The following MED8 variants were observed in gnomAD, a reference collection of about 807,000 sequenced individuals.
MED8 encodes the protein mediator of RNA polymerase II transcription subunit 8.
In MED8, 22 loss-of-function variants were observed where a neutral mutation model predicts 34.8. That is an observed-to-expected ratio of 0.63 (90% CI 0.45 to 0.90). The LOEUF (loss-of-function observed/expected upper bound fraction) is 0.90, where lower values mean the gene tolerates loss of function less well. MED8 is among the 40% of genes least tolerant of loss of function. The pLI, the probability that MED8 is intolerant of heterozygous loss-of-function variation, is 0.00. For missense variants in MED8, 260 were observed against 326.3 expected, an observed-to-expected ratio of 0.80 and a Z score of 1.57; for synonymous variants, 105 against 120.2, an observed-to-expected ratio of 0.87 and a Z score of 0.83.
Position 43,388,372 on chromosome 1 carries a change from A to C in MED8, c.63T>G (p.Asp21Glu), listed in dbSNP as rs1647840166. The C allele has an allele frequency of 1.2e-6, 2 of 1,613,612 alleles. No individual in the cohort carries two copies. ...TGAAACTCCCCAGAGAGTTCTTCAG[A>C]TCAGCCACTTGACTCAGCAGTGCAT... ...SLDALLSQVA[D>E]LKNSLGSFIC... is the part of the protein sequence containing the mutation. The change falls in exon 2 of 7, where the codon GAT becomes GAG. Residue 21 changes from aspartate to glutamate, a missense_variant. Physicochemically the swap from Asp to Glu is conservative, Grantham distance 45. Transcript: ENST00000372457.
Position 43,384,910 on chromosome 1 carries a change from G to GAA in MED8, c.*130_*131dup. ...AAGGTCACACAGCTAGTCAGTGGTGGAAGTGGGATTTGTCTGCTGCTGAAA... is the reference window on the plus strand; with the variant it reads ...AAGGTCACACAGCTAGTCAGTGGTGGAAAAGTGGGATTTGTCTGCTGCTGAAA... On this transcript the variant is annotated 3_prime_UTR_variant, in exon 7 of 7. Coordinates refer to ENST00000372457, the MANE Select transcript of MED8 (RefSeq NM_201542.5). 2 of 1,439,602 alleles carry GAA rather than the reference G, an allele frequency of 1.4e-6. No individual in the cohort carries two copies. The highest frequency in any genetic ancestry group is 1.8e-6 in the Non-Finnish European group (2 of 1,095,636). 89.2% of individuals were successfully genotyped at this position (1,439,602 alleles called of 1,614,324 possible).
chr1:43,388,456 C>A, intron 1 of MED8, 28 bp from the exon 2 acceptor site: 16 of 1,611,532 alleles, frequency 9.9e-6, no homozygotes, highest in Non-Finnish European at 1.4e-5. Context: ...GGTTGGTCAC[C>A]CAGATAAACG....
At position 43,384,776 on chromosome 1, in the gene MED8, G is replaced by A. The variant is rs1647670351; in HGVS notation, c.*266C>T. ...CCCATTATTTCATATACTGTACTAA[G>A]TGCTTTACATTCATTTCCTCATTTT... is the stretch of plus-strand genomic sequence containing the variant. On this transcript the variant is annotated 3_prime_UTR_variant, in exon 7 of 7. Coordinates refer to ENST00000372457, the MANE Select transcript of MED8 (RefSeq NM_201542.5). 7.1e-7 allele frequency: 1 copy of A among 1,415,910 alleles called. No individual in the cohort carries two copies. The highest frequency in any genetic ancestry group is 3.1e-5 in the Admixed American group (1 of 32,310). 87.7% of individuals were successfully genotyped at this position (1,415,910 alleles called of 1,614,324 possible).
At position 43,384,564 on chromosome 1, in the gene MED8, G is replaced by C. The variant is rs1647660004; in HGVS notation, c.*478C>G. The C allele has an allele frequency of 1.2e-6, 2 of 1,600,458 alleles. No individual in the cohort carries two copies. Among genetic ancestry groups the C allele is most frequent in the Non-Finnish European group, 8.5e-7 (1 of 1,173,858 alleles). On this transcript the variant is annotated 3_prime_UTR_variant, in exon 7 of 7. Transcript: ENST00000372457. The stretch of plus-strand genomic sequence containing the variant: ...CCAGGCAGGAGGGCCTGCAAAAACA[G>C]TGTGCCTCTAAGAACACAGAGGTTG...
chr1:43,384,817 C>G lies in MED8; in HGVS notation c.*225G>C. On this transcript the variant is annotated 3_prime_UTR_variant, in exon 7 of 7. Coordinates refer to ENST00000372457, the MANE Select transcript of MED8 (RefSeq NM_201542.5). Reference sequence around the variant, plus strand: ...TCCTCATTTTAATCCTCACAACAACCCTATGAGGTAGGTATTATCACCATT... The same window carrying G: ...TCCTCATTTTAATCCTCACAACAACGCTATGAGGTAGGTATTATCACCATT... 7.3e-7 allele frequency: 1 copy of G among 1,379,138 alleles called. No homozygotes were observed. Among genetic ancestry groups the G allele is most frequent in the Non-Finnish European group, 9.5e-7 (1 of 1,053,006 alleles). 85.4% of individuals were successfully genotyped at this position (1,379,138 alleles called of 1,614,324 possible).
At position 43,386,370 on chromosome 1, in the gene MED8, G is replaced by A; in HGVS notation, c.494-144C>T. 1 of 1,159,746 alleles carries A rather than the reference G, an allele frequency of 8.6e-7. No individual in the cohort carries two copies. The highest frequency in any genetic ancestry group is 1.2e-6 in the Non-Finnish European group (1 of 840,994). The allele number at this position is 1,159,746 out of a possible 1,614,324, so 71.8% of individuals were successfully genotyped here. On this transcript the variant is annotated intron_variant, in intron 5 of 6. Transcript: ENST00000372457. This position sits in a 1 kb window ranked among gnomAD's most constrained non-coding sequence, Gnocchi z 4.9. ...CCCTCACAGCCCAGAAAAAGAGCCA[G>A]AGGACCCCCAAGCCTATCTCAGAAT...
Position 43,384,908 on chromosome 1 carries a change from T to C in MED8, c.*134A>G, listed in dbSNP as rs1647674455. 6.9e-7 allele frequency: 1 copy of C among 1,439,962 alleles called. No homozygotes were observed. Among genetic ancestry groups the C allele is most frequent in the African/African-American group, 1.4e-5 (1 of 69,538 alleles). 89.2% of individuals were successfully genotyped at this position (1,439,962 alleles called of 1,614,324 possible). A position where few individuals can be genotyped will look rare whatever the true frequency, so the allele number is the denominator to read the frequency against. On this transcript the variant is annotated 3_prime_UTR_variant, in exon 7 of 7. Transcript: ENST00000372457. ...CCAAGGTCACACAGCTAGTCAGTGG[T>C]GGAAGTGGGATTTGTCTGCTGCTGA...
intron 1 of MED8, chr1:43,388,638 G>GA: frequency 1.5e-6 from 1 of 674,982 alleles, no homozygotes; most frequent in Non-Finnish European, 2.4e-6. Flanking sequence ...CTGACCCCAA[G>GA]TCCTTCCACC....
intron 1 of MED8, 135 bp from the exon 2 acceptor site, chr1:43,388,563 T>G: frequency 1.4e-6 from 2 of 1,411,752 alleles, no homozygotes; most frequent in Non-Finnish European, 1.9e-6. Context: ...ATAGCCAGGT[T>G]GTTTTCTATC....
At position 43,388,296 on chromosome 1, in the gene MED8, C is replaced by T. The variant is rs1403513048; in HGVS notation, c.125+14G>A. 6.2e-7 allele frequency: 1 copy of T among 1,612,446 alleles called. No individual in the cohort carries two copies. ...ACCCATAAGCCCTTCCTAGCTTGCC[C>T]TGGTAACTCTTACCAGGTCAGCCGG... is the stretch of plus-strand genomic sequence containing the variant. On this transcript the variant is annotated intron_variant, in intron 2 of 6. Coordinates refer to ENST00000372457, the MANE Select transcript of MED8 (RefSeq NM_201542.5).
intron 2 of MED8, 134 bp downstream of exon 2, chr1:43,388,176 G>C (rs192017083): frequency 1.1e-6 from 1 of 874,812 alleles, no homozygotes; most frequent in East Asian, 2.7e-5. Context: ...TAAATGTTAG[G>C]AAACCCAGCT....
At position 43,384,888 on chromosome 1, in the gene MED8, G is replaced by A; in HGVS notation, c.*154C>T. ...AGAAAAATTAGGTCACTTGTCCAAG[G>A]TCACACAGCTAGTCAGTGGTGGAAG... On this transcript the variant is annotated 3_prime_UTR_variant, in exon 7 of 7. Transcript: ENST00000372457. 7.0e-7 allele frequency: 1 copy of A among 1,420,028 alleles called. No individual in the cohort carries two copies. The highest frequency in any genetic ancestry group is 9.2e-7 in the Non-Finnish European group (1 of 1,082,656). The allele number at this position is 1,420,028 out of a possible 1,614,324, so 88.0% of individuals were successfully genotyped here.
chr1:43,385,792 C>T lies in MED8; in HGVS notation c.742+186G>A, dbSNP rs143061909. On this transcript the variant is annotated intron_variant, in intron 6 of 6. Coordinates refer to ENST00000372457, the MANE Select transcript of MED8 (RefSeq NM_201542.5). ...CTGTTACTCAAAGTTCTTCCTCACT[C>T]TCTGGTGCCTGTTGCAGAGTCTCAG... is the stretch of plus-strand genomic sequence containing the variant. 548 of 851,072 alleles carry T rather than the reference C, an allele frequency of 6.4e-4. 5 individuals are homozygous for T. The East Asian group carries it at 0.013, about 20-fold the overall frequency. 52.7% of individuals were successfully genotyped at this position (851,072 alleles called of 1,614,324 possible).
chr1:43,389,570 C>G lies in MED8; in HGVS notation c.6+189G>C, dbSNP rs566434523. ...GCCCGACTGTCTCCTGTCAGGCAAG[C>G]TCCACCCCCACCTCTAATCGCCGCC... On this transcript the variant is annotated intron_variant, in intron 1 of 6. Transcript: ENST00000372457. 2.6e-5 allele frequency among the ~76,000 whole-genome samples: 4 copies of G among 152,254 alleles called. No individual in the cohort carries two copies. In the South Asian group the frequency reaches 6.2e-4, roughly 24 times the overall value.
intron 1 of MED8, 67 bp downstream of exon 1, chr1:43,389,692 G>A: frequency 6.3e-7 from 1 of 1,592,766 alleles, no homozygotes; most frequent in Non-Finnish European, 8.5e-7. Flanking sequence ...ATTCTCCTTA[G>A]CCAGCCCACT....
At chr1:43,387,061 A>C in intron 3 of MED8, 63 bp from the exon 4 acceptor site, 2 of 1,588,606 alleles carry the variant, frequency 1.3e-6, no homozygotes, top group South Asian at 2.3e-5. Flanking sequence ...CTGGCCTGAC[A>C]TAAAGTCCCA....
At position 43,385,000 on chromosome 1, in the gene MED8, A is replaced by G. The variant is rs904208385; in HGVS notation, c.*42T>C. On this transcript the variant is annotated 3_prime_UTR_variant, in exon 7 of 7. Coordinates refer to ENST00000372457, the MANE Select transcript of MED8 (RefSeq NM_201542.5). ...GAGCAAAAGGTAATTTCACTGCCCA[A>G]CTCTGCAAAGAGCACCAGGGAGTCG... 2 of 1,547,876 alleles carry G rather than the reference A, an allele frequency of 1.3e-6. No homozygotes were observed. Among genetic ancestry groups the G allele is most frequent in the Non-Finnish European group, 1.7e-6 (2 of 1,145,972 alleles).
rs1487552674 is a variant in MED8 at position 43,387,629 on chromosome 1, G to A, written c.144C>T (p.Ser48=). 1.9e-6 allele frequency: 3 copies of A among 1,614,032 alleles called. No homozygotes were observed. Among genetic ancestry groups the A allele is most frequent in the Non-Finnish European group, 8.5e-7 (1 of 1,179,896 alleles). ...TCAGCTGTCCAGAAAGCAAGGCAAA[G>A]CTGTCCAGGACAGATGGCCTGGTGG... ...GRLTWPSVLD[S]FALLSGQLNT... Residue 48 remains serine, a synonymous_variant, in exon 3 of 7, where the codon AGC becomes AGT. Transcript: ENST00000372457.
Position 43,384,557 on chromosome 1 carries a change from A to C in MED8, c.*485T>G, listed in dbSNP as rs1647659415. The stretch of plus-strand genomic sequence containing the variant: ...ATGAAACCCAGGCAGGAGGGCCTGC[A>C]AAAACAGTGTGCCTCTAAGAACACA... On this transcript the variant is annotated 3_prime_UTR_variant, in exon 7 of 7. Coordinates refer to ENST00000372457, the MANE Select transcript of MED8 (RefSeq NM_201542.5). 1 of 1,604,964 alleles carries C rather than the reference A, an allele frequency of 6.2e-7. No homozygotes were observed. The highest frequency in any genetic ancestry group is 8.5e-7 in the Non-Finnish European group (1 of 1,175,824).
Sources: allele counts gnomAD v4.1 joint callset (sites outside exome capture counted in the v4.1 genomes callset), GRCh38; gene constraint gnomAD v4.1.1; non-coding constraint Gnocchi (gnomAD v3.1); transcripts MANE v1.5; gene names NCBI Gene and HGNC (gene_info 2026-07-23, HGNC 2026-07-21).